Variants in GRIN1 observed in about 807,000 individuals in gnomAD.
GRIN1 encodes the protein glutamate receptor ionotropic, NMDA 1.
GRIN1 carries 38 observed loss-of-function variants against 103.0 expected under a neutral mutation model. The ratio of observed to expected loss-of-function variants is 0.37; its 90% CI spans 0.28 to 0.48. The LOEUF (loss-of-function observed/expected upper bound fraction) is 0.48, where lower values mean the gene tolerates loss of function less well. GRIN1 is among the 20% of genes least tolerant of loss of function. The pLI is 0.98. For missense variants in GRIN1, 577 were observed against 1,288.9 expected (o/e 0.45, Z 8.46); for synonymous variants, 544 against 532.7 (o/e 1.02, Z -0.29).
At chr9:137,143,344 G>A (rs1479360214) in intron 2 of GRIN1, among the ~76,000 whole-genome samples, 1 of 152,240 alleles carries the variant, frequency 6.6e-6, no homozygotes, top group Non-Finnish European at 1.5e-5. Context: ...TGAAAGCCCT[G>A]GCGTGCCCCC....
rs1189101416 is a variant in GRIN1, at chr9:137,162,977, G to A, written c.2145G>A (p.Ala715=). 8 of 1,605,340 alleles carry A rather than the reference G, an allele frequency of 5.0e-6. No homozygotes were observed. Among genetic ancestry groups the A allele is most frequent in the Non-Finnish European group, 5.1e-6 (6 of 1,176,970 alleles). ...HMEKHNYESA[A]EAIQAVRDNK... is the part of the protein sequence containing the mutation. ...AGAAGCACAACTACGAGAGTGCGGC[G>A]GAGGCCATCCAGGCCGTGAGAGACA... The change falls in exon 15 of 20, where the codon GCG becomes GCA. Residue 715 remains alanine (A), a synonymous_variant. Transcript: ENST00000371561.
intron 3 of GRIN1, among the ~76,000 whole-genome samples, chr9:137,147,714 G>A (rs567910964): frequency 1.1e-4 from 17 of 152,356 alleles, no homozygotes; most frequent in Non-Finnish European, 2.2e-4. Flanking sequence ...GAGAGGCAGA[G>A]GGAGACCAAG....
At position 137,158,714 on chromosome 9, in the gene GRIN1, C is replaced by T. The variant is rs768518942; in HGVS notation, c.1197+10C>T. On this transcript the variant is annotated intron_variant, in intron 8 of 19. Coordinates refer to ENST00000371561, the MANE Select transcript of GRIN1 (RefSeq NM_007327.4). Reference sequence around the variant, plus strand: ...GTCCACCAGACTGAAGGTGGGGGCCCCACAGACCTCCCTCAGTGTCCCCAC... The same window carrying T: ...GTCCACCAGACTGAAGGTGGGGGCCTCACAGACCTCCCTCAGTGTCCCCAC... 6 of 1,597,978 alleles carry T rather than the reference C, an allele frequency of 3.8e-6. No homozygotes were observed. In the East Asian group the frequency reaches 8.9e-5, roughly 24 times the overall value.
chr9:137,144,477 A>C (rs1200673558), intron 2 of GRIN1, among the ~76,000 whole-genome samples: 3 of 151,322 alleles, frequency 2.0e-5, no homozygotes, highest in Non-Finnish European at 4.4e-5. Flanking sequence ...ATACGGTGAA[A>C]CCCCATCTCC....
chr9:137,147,395 C>T (rs1588698000), intron 3 of GRIN1, among the ~76,000 whole-genome samples: 2 of 152,340 alleles, frequency 1.3e-5, no homozygotes, highest in East Asian at 3.9e-4. Flanking sequence ...CCAGCCAGCA[C>T]AGACACACAT....
At chr9:137,148,442 G>A (rs866176214) in intron 3 of GRIN1, among the ~76,000 whole-genome samples, 1 of 152,182 alleles carries the variant, frequency 6.6e-6, no homozygotes, top group African/African-American at 2.4e-5. Context: ...AGGCAGGCGC[G>A]GCTGCAGGAG....
intron 2 of GRIN1, 25 bp from the exon 3 acceptor site, chr9:137,145,701 C>G: frequency 1.2e-6 from 2 of 1,604,732 alleles, no homozygotes; most frequent in East Asian, 2.2e-5. Context: ...TCCACCTCAG[C>G]CCGCCGTGCC....
At chr9:137,164,947 G>A in intron 18 of GRIN1, 2 of 521,846 alleles carry the variant, frequency 3.8e-6, no homozygotes, top group Non-Finnish European at 7.0e-6. Context: ...CCCAGGAAGA[G>A]CCAGCCGAGA....
chr9:137,156,549 CG>C (rs1168757318), intron 4 of GRIN1, 119 bp from the exon 5 acceptor site: 1 of 1,417,900 alleles, frequency 7.1e-7, no homozygotes, highest in African/African-American at 1.4e-5. Context: ...CTGCAGGCTT[CG>C]CTCTAGGAGG....
Position 137,139,582 on chromosome 9 carries a change from G to T in GRIN1, c.96G>T (p.Val32=), listed in dbSNP as rs1832052266. ...CDPKIVNIGA[V]LSTRKHEQMF... is the part of the protein sequence containing the mutation. ...CCAAGATCGTCAACATTGGCGCGGT[G>T]CTGAGCACGCGGAAGCACGAGCAGA... The change falls in exon 1 of 20, where the codon GTG becomes GTT. Residue 32 remains valine (V), a synonymous_variant. Transcript: ENST00000371561. This position sits in a 1 kb window ranked among gnomAD's most constrained non-coding sequence, Gnocchi z 7.7. 3 of 1,613,466 alleles carry T rather than the reference G, an allele frequency of 1.9e-6. No individual in the cohort carries two copies. The highest frequency in any genetic ancestry group is 2.5e-6 in the Non-Finnish European group (3 of 1,179,966).
chr9:137,145,971 GGC>G, intron 3 of GRIN1, 69 bp downstream of exon 3: 1 of 1,156,182 alleles, frequency 8.6e-7, no homozygotes. Context: ...TTGTGTCTGT[GGC>G]TCCGTGTGTG....
chr9:137,167,930 C>A lies in GRIN1; in HGVS notation c.*403C>A. 8.0e-7 allele frequency: 1 copy of A among 1,242,312 alleles called. No individual in the cohort carries two copies. The highest frequency in any genetic ancestry group is 1.9e-5 in the Admixed American group (1 of 53,866). The allele number at this position is 1,242,312 out of a possible 1,614,324, so 77.0% of individuals were successfully genotyped here. ...TCGGGAAGGCCTGAGGGAAGCCCACCCGCCCCAGAGACTGCCCACCCTGGG... is the reference window on the plus strand; with the variant it reads ...TCGGGAAGGCCTGAGGGAAGCCCACACGCCCCAGAGACTGCCCACCCTGGG... On this transcript the variant is annotated 3_prime_UTR_variant, in exon 20 of 20. Transcript: ENST00000371561.
At chr9:137,149,623 G>C (rs1832728429) in intron 4 of GRIN1, among the ~76,000 whole-genome samples, 1 of 152,242 alleles carries the variant, frequency 6.6e-6, no homozygotes. Flanking sequence ...GGACAGGTCC[G>C]GTGCCACAGA....
chr9:137,161,827 A>AC, intron 10 of GRIN1, 97 bp from the exon 11 acceptor site: 6 of 1,253,712 alleles, frequency 4.8e-6, no homozygotes, highest in Non-Finnish European at 6.7e-6. Flanking sequence ...TGGGGAGAAG[A>AC]CCCCCGGAGT....
At chr9:137,164,114 G>T in intron 18 of GRIN1, 1 of 646,346 alleles carries the variant, frequency 1.5e-6, no homozygotes. Flanking sequence ...TGCAAAGCCG[G>T]GGCCGAGGGA....
At chr9:137,154,598 C>T (rs1193138075) in intron 4 of GRIN1, among the ~76,000 whole-genome samples, 1 of 151,842 alleles carries the variant, frequency 6.6e-6, no homozygotes, top group African/African-American at 2.4e-5. Context: ...GGATTACAGG[C>T]ATGCGCCACC....
At chr9:137,144,036 A>G (rs576391923) in intron 2 of GRIN1, among the ~76,000 whole-genome samples, 1 of 152,330 alleles carries the variant, frequency 6.6e-6, no homozygotes, top group South Asian at 2.1e-4. Flanking sequence ...TCTTCTTCAT[A>G]CATAGAGTTG....
rs996221827 is a variant in GRIN1 at position 137,146,372 on chromosome 9, T to C, written c.570+470T>C. 2.0e-5 allele frequency among the ~76,000 whole-genome samples: 3 copies of C among 151,700 alleles called. No homozygotes were observed. In the Middle Eastern group the frequency reaches 0.01, roughly 516 times the overall value. On this transcript the variant is annotated intron_variant, in intron 3 of 19. Transcript: ENST00000371561. This position sits in a 1 kb window ranked among gnomAD's most constrained non-coding sequence, Gnocchi z 6.7. ...GGCCCATTCCCTGTCCTCCCCCGCG[T>C]GGCCTCCCCTGAAGCTCTGCACCTC...
chr9:137,160,139 C>T (rs1045464679), intron 8 of GRIN1, among the ~76,000 whole-genome samples: 1 of 152,198 alleles, frequency 6.6e-6, no homozygotes, highest in South Asian at 2.1e-4. Flanking sequence ...GAGGCCACGG[C>T]GCGGTGGAGC....
Sources: gnomAD v4.1 joint callset for allele counts (sites outside exome capture counted in the v4.1 genomes callset) on GRCh38, gnomAD v4.1.1 for gene constraint, Gnocchi (gnomAD v3.1) non-coding constraint, MANE v1.5 for transcripts, NCBI Gene and HGNC (gene_info 2026-07-23, HGNC 2026-07-21) for gene names.